SLC25A21: variants seen among roughly 807,000 people sequenced by gnomAD.
SLC25A21 encodes mitochondrial 2-oxodicarboxylate carrier.
SLC25A21 carries 47 observed loss-of-function variants against 43.8 expected under a neutral mutation model. The ratio of observed to expected loss-of-function variants is 1.07; its 90% CI spans 0.85 to 1.37. The LOEUF is 1.37. SLC25A21 is among the 40% of genes most tolerant of loss of function. The pLI is 0.00. For missense variants in SLC25A21, 352 were observed against 350.2 expected (o/e 1.00, Z -0.04); for synonymous variants, 131 against 121.3 (o/e 1.08, Z -0.52).
In SLC25A21 at chr14:36,680,228, TAAC is replaced by T. The variant is rs1882160382; in HGVS notation, c.*427_*429del. The T allele has an allele frequency of 3.2e-6, 3 of 923,574 alleles. No homozygotes were observed. The highest frequency in any genetic ancestry group is 1.8e-5 in the African/African-American group (1 of 55,840). The allele number at this position is 923,574 out of a possible 1,614,324, so 57.2% of individuals were successfully genotyped here. ...TATAAAAACTGCTTAAATTTTGGCT[TAAC>T]TTTTTTTTAATCCAGTCTTTGAATA... On this transcript the variant is annotated 3_prime_UTR_variant, in exon 10 of 10. Coordinates refer to ENST00000331299, the MANE Select transcript of SLC25A21 (RefSeq NM_030631.4).
chr14:37,137,475 G>T (rs1270801762), intron 1 of SLC25A21, among the ~76,000 whole-genome samples: 3 of 152,108 alleles, frequency 2.0e-5, no homozygotes, highest in South Asian at 2.1e-4. Context: ...AGCTTAAAAA[G>T]AAGCATAGAT....
intron 1 of SLC25A21, among the ~76,000 whole-genome samples, chr14:37,019,276 G>T (rs1481782416): frequency 6.6e-6 from 1 of 151,716 alleles, no homozygotes; most frequent in Non-Finnish European, 1.5e-5. Context: ...TTGGAACTTT[G>T]TATGTGCTTC....
At chr14:37,075,674 C>T (rs190187152) in intron 1 of SLC25A21, among the ~76,000 whole-genome samples, 5 of 152,208 alleles carry the variant, frequency 3.3e-5, no homozygotes, top group African/African-American at 1.2e-4. Flanking sequence ...GAAGACATCC[C>T]AGTTTATCTT....
At chr14:37,153,850 A>G (rs530858803) in intron 1 of SLC25A21, among the ~76,000 whole-genome samples, 48 of 152,196 alleles carry the variant, frequency 3.2e-4, no homozygotes, top group African/African-American at 1.1e-3. Context: ...CAGCTGACCT[A>G]TCTGCAAGCC....
chr14:37,033,528 AACTTGATATC>A (rs1222767713), intron 1 of SLC25A21, among the ~76,000 whole-genome samples: 1 of 152,218 alleles, frequency 6.6e-6, no homozygotes. Flanking sequence ...AGCTATTATC[AACTTGATATC>A]CATCCTCCAG....
chr14:36,914,183 A>C (rs1891766428), intron 1 of SLC25A21, among the ~76,000 whole-genome samples: 1 of 152,202 alleles, frequency 6.6e-6, no homozygotes. Context: ...TATGTGTTTA[A>C]TTTACTTCCA....
chr14:36,718,960 T>C (rs1158025504), intron 6 of SLC25A21, among the ~76,000 whole-genome samples: 1 of 152,192 alleles, frequency 6.6e-6, no homozygotes, highest in Non-Finnish European at 1.5e-5. Flanking sequence ...AGAATGATTA[T>C]GTTCATATGT....
Position 36,912,521 on chromosome 14 carries a change from G to T in SLC25A21, c.71-37517C>A, listed in dbSNP as rs535247079. On this transcript the variant is annotated intron_variant, in intron 1 of 9. Transcript: ENST00000331299. ...TTACGGTCCTATAACCTGACTGAAG[G>T]CATTATTGAAGAGCTAGTCTCATTG... is the stretch of plus-strand genomic sequence containing the variant. 4.6e-5 allele frequency among the ~76,000 whole-genome samples: 7 copies of T among 152,308 alleles called. No homozygotes were observed. The South Asian group carries it at 1.5e-3, about 32-fold the overall frequency.
intron 1 of SLC25A21, among the ~76,000 whole-genome samples, chr14:37,079,051 T>C (rs1243100578): frequency 1.3e-5 from 2 of 152,226 alleles, no homozygotes; most frequent in Non-Finnish European, 2.9e-5. Context: ...TTTCATCTAA[T>C]AGTTTCTTTA....
intron 1 of SLC25A21, among the ~76,000 whole-genome samples, chr14:37,082,181 T>C (rs112127935): frequency 9.9e-5 from 15 of 152,186 alleles, no homozygotes; most frequent in Admixed American, 3.9e-4. Flanking sequence ...GAGCTAAACA[T>C]TGAGCACACA....
intron 1 of SLC25A21, chr14:37,172,011 G>A (rs1964138348): frequency 4.3e-6 from 2 of 464,786 alleles, no homozygotes; most frequent in African/African-American, 4.0e-5. Flanking sequence ...TCTGCCACTT[G>A]CTTTACAGGC....
At chr14:36,990,466 GA>G (rs1047643845) in intron 1 of SLC25A21, among the ~76,000 whole-genome samples, 19 of 151,752 alleles carry the variant, frequency 1.3e-4, no homozygotes, top group African/African-American at 4.6e-4. Flanking sequence ...TTTGAGGAGA[GA>G]AAAAAAAGAA....
At chr14:36,913,022 C>T (rs1891734157) in intron 1 of SLC25A21, among the ~76,000 whole-genome samples, 1 of 152,128 alleles carries the variant, frequency 6.6e-6, no homozygotes. Flanking sequence ...GTCCTTCAAC[C>T]TGCCATTGGC....
intron 1 of SLC25A21, among the ~76,000 whole-genome samples, chr14:36,954,191 T>C (rs1366583194): frequency 6.6e-6 from 1 of 152,142 alleles, no homozygotes; most frequent in African/African-American, 2.4e-5. Flanking sequence ...CAGTAAAAAA[T>C]GTCTCTGATT....
chr14:36,825,834 C>T (rs189450971), intron 2 of SLC25A21, among the ~76,000 whole-genome samples: 6 of 152,246 alleles, frequency 3.9e-5, no homozygotes, highest in Non-Finnish European at 8.8e-5. Flanking sequence ...AGAGTTAAAT[C>T]TCCTCCTTTA....
intron 1 of SLC25A21, among the ~76,000 whole-genome samples, chr14:36,919,611 TTATCTATCTACC>T (rs754815702): frequency 0.1 from 12,790 of 125,830 alleles, 647 homozygotes; most frequent in Middle Eastern, 0.18. Context: ...AAATTCAAGA[TTATCTATCTACC>T]TATCTATCTA....
intron 3 of SLC25A21, chr14:36,807,173 AG>A (rs1888070019): frequency 6.6e-6 from 1 of 152,246 alleles, no homozygotes; most frequent in South Asian, 2.1e-4. Context: ...TTATCTGCTC[AG>A]GGGTCTGAGA....
At chr14:36,727,795 T>C (rs929247319) in intron 5 of SLC25A21, among the ~76,000 whole-genome samples, 2 of 152,204 alleles carry the variant, frequency 1.3e-5, no homozygotes, top group African/African-American at 4.8e-5. Context: ...CCCTTCATTA[T>C]AATTTTAAAC....
chr14:37,137,432 CAATTAT>C (rs1291166335), intron 1 of SLC25A21, among the ~76,000 whole-genome samples: 1 of 152,096 alleles, frequency 6.6e-6, no homozygotes, highest in Non-Finnish European at 1.5e-5. Context: ...TGCAAAAACA[CAATTAT>C]AATTTCTTGT....
Sources: allele counts gnomAD v4.1 joint callset (sites outside exome capture counted in the v4.1 genomes callset), GRCh38; gene constraint gnomAD v4.1.1; transcripts MANE v1.5; gene names NCBI Gene and HGNC (gene_info 2026-07-23, HGNC 2026-07-21).